Variants in MIPOL1 observed in about 807,000 individuals in gnomAD.
The protein encoded by MIPOL1 is mirror-image polydactyly gene 1 protein.
In MIPOL1, 57 loss-of-function variants were observed where a neutral mutation model predicts 60.9. The observed-to-expected ratio is 0.94, with a 90% CI of 0.76 to 1.17. The LOEUF (loss-of-function observed/expected upper bound fraction) is 1.17, where lower values mean the gene tolerates loss of function less well. Among genes scored for constraint, MIPOL1 ranks in the 50% most tolerant of loss-of-function variants. The pLI is 0.00. For missense variants in MIPOL1, 551 were observed against 511.6 expected (o/e 1.08, Z -0.74); for synonymous variants, 179 against 168.8 (o/e 1.06, Z -0.47).
intron 1 of MIPOL1, among the ~76,000 whole-genome samples, chr14:37,225,639 G>A (rs1158964199): frequency 6.6e-6 from 1 of 152,142 alleles, no homozygotes; most frequent in African/African-American, 2.4e-5. Context: ...AGGCCTCCGG[G>A]TCTGCAGTGG....
chr14:37,322,457 A>G (rs1346775249), intron 9 of MIPOL1, among the ~76,000 whole-genome samples: 1 of 152,034 alleles, frequency 6.6e-6, no homozygotes, highest in African/African-American at 2.4e-5. Flanking sequence ...TAAGATGACC[A>G]CATTTATTTG....
chr14:37,225,561 C>T (rs575011981), intron 1 of MIPOL1, among the ~76,000 whole-genome samples: 24 of 152,314 alleles, frequency 1.6e-4, no homozygotes, highest in African/African-American at 5.8e-4. Flanking sequence ...GCAACTGGGA[C>T]ACAGGGCACC....
chr14:37,457,054 C>T (rs2094484387), intron 11 of MIPOL1, among the ~76,000 whole-genome samples: 1 of 151,966 alleles, frequency 6.6e-6, no homozygotes, highest in South Asian at 2.1e-4. Flanking sequence ...TAGAGCTATA[C>T]ATAATGTAAA....
chr14:37,201,212 T>A (rs1965287049), intron 1 of MIPOL1, among the ~76,000 whole-genome samples: 1 of 152,144 alleles, frequency 6.6e-6, no homozygotes. Flanking sequence ...GCCAGTATTG[T>A]AAAGCAGCAT....
rs541805684 is a variant in MIPOL1 at position 37,341,613 on chromosome 14, AT to A, written c.829-27896del. On this transcript the variant is annotated intron_variant, in intron 9 of 12. Transcript: ENST00000684589. ...TCAAAGTTCTAATATTATTTTTTAA[AT>A]TTTTTTTATAAGTTTAGATGGGGTC... Among the ~76,000 whole-genome samples the A allele has an allele frequency of 9.2e-5, 14 of 152,100 alleles. No homozygotes were observed. In the East Asian group the frequency reaches 2.1e-3, roughly 23 times the overall value.
intron 6 of MIPOL1, among the ~76,000 whole-genome samples, chr14:37,279,200 C>T (rs1397984105): frequency 6.7e-6 from 1 of 150,064 alleles, no homozygotes; most frequent in African/African-American, 2.5e-5. Flanking sequence ...GAAAGAGAAT[C>T]TCTAATGACT....
chr14:37,302,175 A>G (rs543020411), intron 7 of MIPOL1, among the ~76,000 whole-genome samples: 1 of 149,768 alleles, frequency 6.7e-6, no homozygotes, highest in African/African-American at 2.4e-5. Context: ...GAAACTGCCA[A>G]ATTCTTTTCC....
At chr14:37,477,808 G>A (rs866302624) in intron 11 of MIPOL1, among the ~76,000 whole-genome samples, 1 of 152,214 alleles carries the variant, frequency 6.6e-6, no homozygotes, top group Non-Finnish European at 1.5e-5. Flanking sequence ...TAATAAAGTG[G>A]CATGTGTGCA....
intron 9 of MIPOL1, among the ~76,000 whole-genome samples, chr14:37,367,611 A>G (rs1246065538): frequency 6.6e-6 from 1 of 152,016 alleles, no homozygotes; most frequent in Non-Finnish European, 1.5e-5. Context: ...GTCAGCTTAC[A>G]AAATCACATT....
intron 11 of MIPOL1, among the ~76,000 whole-genome samples, chr14:37,480,393 A>G (rs975816587): frequency 3.3e-5 from 5 of 152,202 alleles, no homozygotes; most frequent in African/African-American, 9.7e-5. Context: ...GGATGGTGAA[A>G]CGTATGCAAA....
chr14:37,508,796 T>C (rs1183116122), intron 12 of MIPOL1, among the ~76,000 whole-genome samples: 1 of 152,228 alleles, frequency 6.6e-6, no homozygotes. Context: ...CCTTTGTGTA[T>C]ATTGGTTCCT....
rs1010692873 is a variant in MIPOL1, at chr14:37,454,552, A to T, written c.1031+31603A>T. 1.8e-4 allele frequency among the ~76,000 whole-genome samples: 28 copies of T among 152,328 alleles called. No homozygotes were observed. The East Asian group carries it at 5.0e-3, about 27-fold the overall frequency. On this transcript the variant is annotated intron_variant, in intron 11 of 12. Transcript: ENST00000684589. ...CCAAAGTCATAGTGATATTGAATGA[A>T]ACAGCCCAAGTTTTTACTACAAATC...
intron 9 of MIPOL1, among the ~76,000 whole-genome samples, chr14:37,316,738 AG>A (rs552583255): frequency 9.2e-5 from 14 of 152,016 alleles, no homozygotes; most frequent in Non-Finnish European, 1.6e-4. Flanking sequence ...GCACTTTAGG[AG>A]GGCAAGGCGG....
At chr14:37,428,195 A>C (rs1237535732) in intron 11 of MIPOL1, among the ~76,000 whole-genome samples, 1 of 152,100 alleles carries the variant, frequency 6.6e-6, no homozygotes, top group Non-Finnish European at 1.5e-5. Context: ...TTCAAGTCTG[A>C]CTCTCAACTC....
intron 11 of MIPOL1, among the ~76,000 whole-genome samples, chr14:37,490,442 C>T (rs1335495990): frequency 6.6e-6 from 1 of 152,148 alleles, no homozygotes; most frequent in South Asian, 2.1e-4. Flanking sequence ...CTTCAGCCCC[C>T]TTTCCAGGGG....
intron 11 of MIPOL1, among the ~76,000 whole-genome samples, chr14:37,429,634 A>C (rs756667297): frequency 3.3e-5 from 5 of 152,146 alleles, no homozygotes; most frequent in Admixed American, 2.0e-4. Flanking sequence ...GTATACATTT[A>C]AAAGTCATAG....
rs184831359 is a variant in MIPOL1 at position 37,294,089 on chromosome 14, C to T, written c.623+8642C>T. On this transcript the variant is annotated intron_variant, in intron 7 of 12. Coordinates refer to ENST00000684589, the MANE Select transcript of MIPOL1 (RefSeq NM_001388067.1). ...GGGGCGGACTGACACCTCACACGGC[C>T]GGGAACTCCTCTGAGACAAAACTTC... 2.2e-3 allele frequency among the ~76,000 whole-genome samples: 329 copies of T among 152,202 alleles called. 2 individuals carry two copies. The highest frequency in any genetic ancestry group is 3.8e-3 in the Non-Finnish European group (261 of 68,016).
At chr14:37,423,357 C>T (rs1310292812) in intron 11 of MIPOL1, among the ~76,000 whole-genome samples, 1 of 150,458 alleles carries the variant, frequency 6.6e-6, no homozygotes, top group Non-Finnish European at 1.5e-5. Context: ...ACATGAGCAG[C>T]AATAATAACC....
intron 10 of MIPOL1, among the ~76,000 whole-genome samples, chr14:37,416,365 C>G (rs1171261456): frequency 6.6e-6 from 1 of 151,834 alleles, no homozygotes; most frequent in Non-Finnish European, 1.5e-5. Context: ...GAAATGTATC[C>G]TTAGGTGATT....
Sources: allele counts gnomAD v4.1 joint callset (sites outside exome capture counted in the v4.1 genomes callset), GRCh38; gene constraint gnomAD v4.1.1; transcripts MANE v1.5; gene names NCBI Gene and HGNC (gene_info 2026-07-23, HGNC 2026-07-21).